Variants in UPP1 observed in about 807,000 individuals in gnomAD.
The protein encoded by UPP1 is uridine phosphorylase 1, also known as UPase 1.
In UPP1, 25 loss-of-function variants were observed where a neutral mutation model predicts 29.6. The observed-to-expected ratio is 0.85, with a 90% confidence interval of 0.62 to 1.18. UPP1 has a LOEUF of 1.18. UPP1 is among the 50% of genes most tolerant of loss of function. The pLI is 0.00. For missense variants in UPP1, 368 were observed against 410.4 expected (o/e 0.90, Z 0.89); for synonymous variants, 165 against 159.8 (o/e 1.03, Z -0.25).
At chr7:48,102,824 A>G (rs1782165418) in intron 5 of UPP1, among the ~76,000 whole-genome samples, 1 of 152,234 alleles carries the variant, frequency 6.6e-6, no homozygotes, top group African/African-American at 2.4e-5. Context: ...GAAAAGGCAC[A>G]GGCAGACAAG....
At chr7:48,095,572 C>G (rs1170914332) in intron 3 of UPP1, among the ~76,000 whole-genome samples, 1 of 152,144 alleles carries the variant, frequency 6.6e-6, no homozygotes, top group Non-Finnish European at 1.5e-5. Flanking sequence ...GGACAATGCT[C>G]TTCTCCTCCT....
Position 48,108,545 on chromosome 7 carries a change from G to A in UPP1, c.*188G>A. 1.5e-6 allele frequency: 1 copy of A among 646,440 alleles called. No individual in the cohort carries two copies. The highest frequency in any genetic ancestry group is 2.3e-6 in the Non-Finnish European group (1 of 428,752). The allele number at this position is 646,440 out of a possible 1,614,324, so 40.0% of individuals were successfully genotyped here. On this transcript the variant is annotated 3_prime_UTR_variant, in exon 9 of 9. Coordinates refer to ENST00000395564, the MANE Select transcript of UPP1 (RefSeq NM_003364.4). Reference sequence around the variant, plus strand: ...TTCTTCCTTTTGAAGTTTCATTGGAGCATTTTCAATGATGTTAGCCTGATT... The same window carrying A: ...TTCTTCCTTTTGAAGTTTCATTGGAACATTTTCAATGATGTTAGCCTGATT...
rs1259805880 is a variant in UPP1, at chr7:48,094,967, A to G, written c.44+140A>G. The G allele has an allele frequency of 6.5e-6, 7 of 1,069,730 alleles. No homozygotes were observed. The East Asian group carries it at 1.6e-4, about 24-fold the overall frequency. 66.3% of individuals were successfully genotyped at this position (1,069,730 alleles called of 1,614,324 possible). ...GTGAAAGAGACTGAGGCCTGGAGGG[A>G]TTAATGACTCAGGAGGTTCGTACAT... On this transcript the variant is annotated intron_variant, in intron 3 of 8. Transcript: ENST00000395564.
intron 8 of UPP1, 99 bp from the exon 9 acceptor site, chr7:48,108,119 A>G (rs1792868267): frequency 1.3e-6 from 2 of 1,508,802 alleles, no homozygotes; most frequent in Admixed American, 3.8e-5. Context: ...CTGAGGAGGC[A>G]GAGAGGCTGC....
At chr7:48,097,884 C>T (rs1219327782) in intron 3 of UPP1, among the ~76,000 whole-genome samples, 1 of 152,156 alleles carries the variant, frequency 6.6e-6, no homozygotes, top group South Asian at 2.1e-4. Flanking sequence ...TGGTCCTTAC[C>T]ACACGTGATT....
chr7:48,090,678 C>T (rs1791778776), intron 2 of UPP1, among the ~76,000 whole-genome samples: 1 of 152,206 alleles, frequency 6.6e-6, no homozygotes, highest in South Asian at 2.1e-4. Context: ...CGCTGCTGAG[C>T]CATTCCCAGG....
rs1792879048 is a variant in UPP1 at position 48,108,239 on chromosome 7, T to C, written c.815T>C (p.Leu272Pro). 3 of 1,613,536 alleles carry C rather than the reference T, an allele frequency of 1.9e-6. No individual in the cohort carries two copies. The highest frequency in any genetic ancestry group is 2.5e-6 in the Non-Finnish European group (3 of 1,179,974). Reference protein sequence around the residue: ...GLQAAVVCVTLLNRLEGDQIS... With the variant: ...GLQAAVVCVTPLNRLEGDQIS... ...GCAGCGGCCGTGGTGTGTGTCACCCTCCTGAACCGCCTGGAAGGGGACCAG... is the reference window on the plus strand; with the variant it reads ...GCAGCGGCCGTGGTGTGTGTCACCCCCCTGAACCGCCTGGAAGGGGACCAG... The change falls in exon 9 of 9, where the codon CTC (leucine) becomes CCC (proline). Residue 272 changes from leucine (L) to proline (P), a missense_variant. Transcript: ENST00000395564.
At chr7:48,094,854 G>A (rs760137910) in intron 3 of UPP1, 27 bp downstream of exon 3, 1 of 1,611,654 alleles carries the variant, frequency 6.2e-7, no homozygotes, top group South Asian at 1.1e-5. Flanking sequence ...TTCCAGGTTG[G>A]GTTGGGTGGG....
chr7:48,103,841 C>T lies in UPP1; in HGVS notation c.436+430C>T, dbSNP rs549120340. 8.7e-5 allele frequency: 112 copies of T among 1,289,846 alleles called. No individual in the cohort carries two copies. In the East Asian group the frequency reaches 5.3e-3, roughly 61 times the overall value. 79.9% of individuals were successfully genotyped at this position (1,289,846 alleles called of 1,614,324 possible). A position where few individuals can be genotyped will look rare whatever the true frequency, so the allele number is the denominator to read the frequency against. ...AAAATCAAAGGGGGGAAGAGAGAGG[C>T]GCAGTACAAAACTCAGATAAGTGTC... is the stretch of plus-strand genomic sequence containing the variant. On this transcript the variant is annotated intron_variant, in intron 6 of 8. Transcript: ENST00000395564.
chr7:48,105,829 G>A (rs1465717981), intron 6 of UPP1: 2 of 152,196 alleles, frequency 1.3e-5, no homozygotes, highest in Non-Finnish European at 2.9e-5. Context: ...AGGCCCTGCT[G>A]CCTGAAACCA....
intron 5 of UPP1, among the ~76,000 whole-genome samples, chr7:48,103,058 G>A (rs1312490263): frequency 2.0e-5 from 3 of 152,156 alleles, no homozygotes; most frequent in South Asian, 2.1e-4. Flanking sequence ...CCCTGGGTCC[G>A]CAGCTGTTAC....
Position 48,108,257 on chromosome 7 carries a change from G to A in UPP1, c.833G>A (p.Gly278Glu), listed in dbSNP as rs370009660. The change falls in exon 9 of 9, where the codon GGG becomes GAG. Residue 278 changes from glycine to glutamate, a missense_variant. Transcript: ENST00000395564. The part of the protein sequence containing the change: ...VCVTLLNRLE[G>E]DQISSPRNVL... ...GTCACCCTCCTGAACCGCCTGGAAGGGGACCAGATCAGCAGCCCTCGCAAT... is the reference window on the plus strand; with the variant it reads ...GTCACCCTCCTGAACCGCCTGGAAGAGGACCAGATCAGCAGCCCTCGCAAT... 1 of 1,613,830 alleles carries A rather than the reference G, an allele frequency of 6.2e-7. No homozygotes were observed. Among genetic ancestry groups the A allele is most frequent in the African/African-American group, 1.3e-5 (1 of 74,922 alleles).
At position 48,108,332 on chromosome 7, in the gene UPP1, T is replaced by C. The variant is rs1792887488; in HGVS notation, c.908T>C (p.Ile303Thr). Residue 303 changes from isoleucine to threonine, a missense_variant, in exon 9 of 9, where the codon ATC becomes ACC. Coordinates refer to ENST00000395564, the MANE Select transcript of UPP1 (RefSeq NM_003364.4). ...CCGCAGCGGCTGGTGAGCTACTTCA[T>C]CAAGAAGAAACTGAGCAAGGCCTGA... ...QRPQRLVSYF[I>T]KKKLSKA The C allele has an allele frequency of 6.2e-7, 1 of 1,613,882 alleles. No homozygotes were observed.
At chr7:48,102,153 G>A (rs569623030) in intron 5 of UPP1, among the ~76,000 whole-genome samples, 171 bp downstream of exon 5, 1 of 152,260 alleles carries the variant, frequency 6.6e-6, no homozygotes. Flanking sequence ...TCAGGCTATC[G>A]TCCTTGAGGC....
intron 4 of UPP1, 110 bp from the exon 5 acceptor site, chr7:48,101,714 T>C (rs1792431577): frequency 1.6e-6 from 2 of 1,273,044 alleles, no homozygotes; most frequent in African/African-American, 1.5e-5. Flanking sequence ...AGTGAACTTA[T>C]ATTTTTAGCA....
intron 4 of UPP1, 100 bp downstream of exon 4, chr7:48,099,887 C>A: frequency 1.2e-6 from 1 of 803,368 alleles, no homozygotes. Flanking sequence ...GAGACCACAG[C>A]TGACAGGTTT....
At chr7:48,105,769 A>G (rs1383627080) in intron 6 of UPP1, 1 of 152,156 alleles carries the variant, frequency 6.6e-6, no homozygotes, top group Non-Finnish European at 1.5e-5. Context: ...TTATAAGGGC[A>G]CTAATCCCAC....
intron 3 of UPP1, among the ~76,000 whole-genome samples, chr7:48,099,215 A>AC (rs1792286000): frequency 6.6e-6 from 1 of 152,212 alleles, no homozygotes; most frequent in Non-Finnish European, 1.5e-5. Flanking sequence ...AGGTATGCAG[A>AC]TTGGAAAGGT....
At position 48,107,497 on chromosome 7, in the gene UPP1, C is replaced by T. The variant is rs369221280; in HGVS notation, c.783C>T (p.Cys261=). Residue 261 remains cysteine, a synonymous_variant, in exon 8 of 9, where the codon TGC becomes TGT. Coordinates refer to ENST00000395564, the MANE Select transcript of UPP1 (RefSeq NM_003364.4). ...TGTTTGCCGCCATGTGCAGCGCCTG[C>T]GGCCTCCAAGGTAAGCGGCACTTGA... The part of the protein sequence containing the change: ...SSVFAAMCSA[C]GLQAAVVCVT... The T allele has an allele frequency of 2.1e-5, 34 of 1,608,276 alleles. No homozygotes were observed. The African/African-American group carries it at 2.7e-4, about 13-fold the overall frequency.
Sources: allele counts gnomAD v4.1 joint callset (sites outside exome capture counted in the v4.1 genomes callset), GRCh38; gene constraint gnomAD v4.1.1; transcripts MANE v1.5; gene names NCBI Gene and HGNC (gene_info 2026-07-23, HGNC 2026-07-21).